The following GPR180 variants were observed in gnomAD, a reference collection of about 807,000 sequenced individuals.
GPR180 encodes integral membrane protein GPR180.
A neutral mutation model predicts 52.6 loss-of-function variants in GPR180; 53 were observed. That is an observed-to-expected ratio of 1.01 (90% CI 0.81 to 1.27). The LOEUF is 1.27. GPR180 is among the 50% of genes most tolerant of loss of function. The pLI is 0.00. For synonymous variants in GPR180, 200 were observed against 193.1 expected (o/e 1.04, Z -0.30); for missense variants, 533 against 527.0 (o/e 1.01, Z -0.11).
chr13:94,633,263 A>C lies in GPR180; in HGVS notation c.*6092A>C, dbSNP rs1890023174. On this transcript the variant is annotated 3_prime_UTR_variant, in exon 9 of 9. Coordinates refer to ENST00000376958, the MANE Select transcript of GPR180 (RefSeq NM_180989.6). ...CAGTCATATGGAGGACTGGGCCCTTAATCTGTGAAGTTTGGCTTAACTTCA... is the reference window on the plus strand; with the variant it reads ...CAGTCATATGGAGGACTGGGCCCTTCATCTGTGAAGTTTGGCTTAACTTCA... The C allele has an allele frequency of 6.6e-6, 1 of 152,134 alleles. No homozygotes were observed. The highest frequency in any genetic ancestry group is 2.1e-4 in the South Asian group (1 of 4,820). 9.4% of individuals were successfully genotyped at this position (152,134 alleles called of 1,614,324 possible). A position where few individuals can be genotyped will look rare whatever the true frequency, so the allele number is the denominator to read the frequency against.
At chr13:94,614,264 T>C (rs1322708849) in intron 3 of GPR180, among the ~76,000 whole-genome samples, 2 of 152,268 alleles carry the variant, frequency 1.3e-5, no homozygotes, top group African/African-American at 2.4e-5. Context: ...TCTGCTGCAG[T>C]TGTTGCATGT....
Position 94,612,353 on chromosome 13 carries a change from A to G in GPR180, c.468A>G (p.Glu156=). The change falls in exon 3 of 9, where the codon GAA becomes GAG. Residue 156 remains glutamate, a synonymous_variant. Coordinates refer to ENST00000376958, the MANE Select transcript of GPR180 (RefSeq NM_180989.6). ...FEMVLLNPDA[E]GNPFDHFSAG... ...TGGTGTTACTAAACCCAGATGCCGA[A>G]GGGAATCCATTTGATCATTTTAGTG... is the stretch of plus-strand genomic sequence containing the variant. 2 of 1,613,142 alleles carry G rather than the reference A, an allele frequency of 1.2e-6. No individual in the cohort carries two copies. The highest frequency in any genetic ancestry group is 1.7e-6 in the Non-Finnish European group (2 of 1,179,050).
chr13:94,621,235 G>A lies in GPR180; in HGVS notation c.894G>A (p.Gln298=). 6.3e-7 allele frequency: 1 copy of A among 1,590,002 alleles called. No homozygotes were observed. The highest frequency in any genetic ancestry group is 8.5e-7 in the Non-Finnish European group (1 of 1,172,994). The change falls in exon 6 of 9, where the codon CAG becomes CAA. Residue 298 remains glutamine (Q), a splice_region_variant and synonymous_variant. Transcript: ENST00000376958. ...TGIAVFIVMT[Q]SVLLLWEQFE... ...TTGCAGTATTCATTGTCATGACACA[G>A]GTGGGTATTGATACTCAGTGTTTCT... is the stretch of plus-strand genomic sequence containing the variant.
In GPR180 at chr13:94,623,313, A is replaced by G. The variant is rs1889877601; in HGVS notation, c.1086+13A>G. Reference sequence around the variant, plus strand: ...CACATTTGCCAAAGTATGGGTTTGGAAAGAAAATCGTTTATTCTGATTATC... The same window carrying G: ...CACATTTGCCAAAGTATGGGTTTGGGAAGAAAATCGTTTATTCTGATTATC... On this transcript the variant is annotated intron_variant, in intron 7 of 8. Transcript: ENST00000376958. 1.3e-6 allele frequency: 2 copies of G among 1,598,118 alleles called. No homozygotes were observed. The highest frequency in any genetic ancestry group is 1.7e-6 in the Non-Finnish European group (2 of 1,168,274).
chr13:94,624,174 TAG>T (rs1889892546), intron 7 of GPR180, among the ~76,000 whole-genome samples: 1 of 152,190 alleles, frequency 6.6e-6, no homozygotes, highest in Non-Finnish European at 1.5e-5. Flanking sequence ...GGAGAAGGGT[TAG>T]AGCAGTAACA....
intron 2 of GPR180, among the ~76,000 whole-genome samples, chr13:94,607,940 G>A (rs1025155466): frequency 2.0e-5 from 3 of 152,146 alleles, no homozygotes; most frequent in Non-Finnish European, 4.4e-5. Flanking sequence ...TTGGCTGGTT[G>A]TTAGCTTTTT....
rs2138567107 is a variant in GPR180, at chr13:94,621,239, G to A, written c.894+4G>A. 1 of 1,586,394 alleles carries A rather than the reference G, an allele frequency of 6.3e-7. No individual in the cohort carries two copies. The highest frequency in any genetic ancestry group is 8.5e-7 in the Non-Finnish European group (1 of 1,171,288). On this transcript the variant is annotated splice_donor_region_variant and intron_variant, in intron 6 of 8. Transcript: ENST00000376958. ...AGTATTCATTGTCATGACACAGGTGGGTATTGATACTCAGTGTTTCTGCTT... is the reference window on the plus strand; with the variant it reads ...AGTATTCATTGTCATGACACAGGTGAGTATTGATACTCAGTGTTTCTGCTT...
chr13:94,628,529 T>C lies in GPR180; in HGVS notation c.*1358T>C, dbSNP rs1889956049. On this transcript the variant is annotated 3_prime_UTR_variant, in exon 9 of 9. Coordinates refer to ENST00000376958, the MANE Select transcript of GPR180 (RefSeq NM_180989.6). ...ATAGTTAAAATAATGTAGTGCAACT[T>C]AAAAATATCTATGGCTTTGTTTTTG... is the stretch of plus-strand genomic sequence containing the variant. 1 of 152,112 alleles carries C rather than the reference T, an allele frequency of 6.6e-6. No individual in the cohort carries two copies. Among genetic ancestry groups the C allele is most frequent in the Non-Finnish European group, 1.5e-5 (1 of 67,926 alleles). 9.4% of individuals were successfully genotyped at this position (152,112 alleles called of 1,614,324 possible). A position where few individuals can be genotyped will look rare whatever the true frequency, so the allele number is the denominator to read the frequency against.
chr13:94,608,798 A>C (rs1002618931), intron 2 of GPR180, among the ~76,000 whole-genome samples: 1 of 152,190 alleles, frequency 6.6e-6, no homozygotes, highest in African/African-American at 2.4e-5. Flanking sequence ...CCCAGCTCCT[A>C]CGTAAAACCT....
intron 3 of GPR180, 94 bp from the exon 4 acceptor site, chr13:94,619,056 T>C: frequency 6.1e-6 from 6 of 990,258 alleles, no homozygotes; most frequent in Non-Finnish European, 8.9e-6. Context: ...AAAAAACAAG[T>C]TCTAGAAATA....
rs1477565130 is a variant in GPR180 at position 94,633,845 on chromosome 13, A to G, written c.*6674A>G. 1 of 151,630 alleles carries G rather than the reference A, an allele frequency of 6.6e-6. No homozygotes were observed. Among genetic ancestry groups the G allele is most frequent in the African/African-American group, 2.4e-5 (1 of 41,202 alleles). 9.4% of individuals were successfully genotyped at this position (151,630 alleles called of 1,614,324 possible). ...TGGTTTTATTTTGTATGTTTTTTTC[A>G]TCCACCTGGAATTTATTTTGCTGTT... On this transcript the variant is annotated 3_prime_UTR_variant, in exon 9 of 9. Transcript: ENST00000376958.
chr13:94,618,388 A>G (rs1337513445), intron 3 of GPR180, among the ~76,000 whole-genome samples: 2 of 144,262 alleles, frequency 1.4e-5, no homozygotes, highest in South Asian at 2.1e-4. Flanking sequence ...TTTTCAGCCA[A>G]TCCTGGCATG....
rs1889717859 is a variant in GPR180 at position 94,612,320 on chromosome 13, A to G, written c.435A>G (p.Pro145=). 3.1e-6 allele frequency: 5 copies of G among 1,613,828 alleles called. No homozygotes were observed. Among genetic ancestry groups the G allele is most frequent in the South Asian group, 2.2e-5 (2 of 91,084 alleles). ...AGAATTCTCAGGTGGAAGATATCCC[A>G]TTTGAAATGGTGTTACTAAACCCAG... ...DKENSQVEDI[P]FEMVLLNPDA... Residue 145 remains proline, a synonymous_variant, in exon 3 of 9, where the codon CCA becomes CCG. Coordinates refer to ENST00000376958, the MANE Select transcript of GPR180 (RefSeq NM_180989.6).
rs1156604834 is a variant in GPR180, at chr13:94,631,488, A to G, written c.*4317A>G. 1.3e-5 allele frequency: 2 copies of G among 151,200 alleles called. No homozygotes were observed. Among genetic ancestry groups the G allele is most frequent in the East Asian group, 1.9e-4 (1 of 5,136 alleles). 9.4% of individuals were successfully genotyped at this position (151,200 alleles called of 1,614,324 possible). A position where few individuals can be genotyped will look rare whatever the true frequency, so the allele number is the denominator to read the frequency against. On this transcript the variant is annotated 3_prime_UTR_variant, in exon 9 of 9. Transcript: ENST00000376958. Reference sequence around the variant, plus strand: ...TATTCCCCCATCCTAGTTCTATCATATTATCCCTTTTTTTGTTTGTTGTAC... The same window carrying G: ...TATTCCCCCATCCTAGTTCTATCATGTTATCCCTTTTTTTGTTTGTTGTAC...
At chr13:94,605,877 A>G (rs533717227) in intron 2 of GPR180, among the ~76,000 whole-genome samples, 1 of 152,370 alleles carries the variant, frequency 6.6e-6, no homozygotes, top group Admixed American at 6.5e-5. Flanking sequence ...AATGCTAATT[A>G]TCTGCCAGCA....
chr13:94,621,153 T>A lies in GPR180; in HGVS notation c.812T>A (p.Met271Lys), dbSNP rs1427466519. 1.9e-6 allele frequency: 3 copies of A among 1,612,754 alleles called. No individual in the cohort carries two copies. The highest frequency in any genetic ancestry group is 3.4e-5 in the Admixed American group (2 of 59,394). The change falls in exon 6 of 9, where the codon ATG becomes AAG. Residue 271 changes from methionine (M) to lysine (K), a missense_variant. By Grantham distance (95) the Met-to-Lys change is moderately conservative. Coordinates refer to ENST00000376958, the MANE Select transcript of GPR180 (RefSeq NM_180989.6). ...TGCATGGGTTGGACAATAGTCAGAATGAAGAAGTCTCAAAGCAGACCTCTC... is the reference window on the plus strand; with the variant it reads ...TGCATGGGTTGGACAATAGTCAGAAAGAAGAAGTCTCAAAGCAGACCTCTC... ...SLCMGWTIVR[M>K]KKSQSRPLQW...
Position 94,619,247 on chromosome 13 carries a change from C to T in GPR180, c.603C>T (p.Pro201=), listed in dbSNP as rs1889820815. ...SLWQAIKKGG[P]MHMILKVLTT... ...GGCAGGCTATTAAGAAAGGCGGACC[C>T]ATGCACATGATTTTAAAGGTTCTGA... The change falls in exon 4 of 9, where the codon CCC becomes CCT. Residue 201 remains proline, a synonymous_variant. Transcript: ENST00000376958. 1 of 1,613,970 alleles carries T rather than the reference C, an allele frequency of 6.2e-7. No individual in the cohort carries two copies. Among genetic ancestry groups the T allele is most frequent in the African/African-American group, 1.3e-5 (1 of 74,916 alleles).
chr13:94,606,861 T>G (rs1889639912), intron 2 of GPR180, among the ~76,000 whole-genome samples: 1 of 152,226 alleles, frequency 6.6e-6, no homozygotes, highest in African/African-American at 2.4e-5. Flanking sequence ...TTACATACAA[T>G]TATTTACTTT....
intron 2 of GPR180, among the ~76,000 whole-genome samples, chr13:94,611,206 TATA>T (rs1403207788): frequency 2.6e-5 from 4 of 152,276 alleles, no homozygotes; most frequent in African/African-American, 9.6e-5. Context: ...CCTGATCCAG[TATA>T]ATAACTTCTG....
Sources: allele counts gnomAD v4.1 joint callset (sites outside exome capture counted in the v4.1 genomes callset), GRCh38; gene constraint gnomAD v4.1.1; transcripts MANE v1.5; gene names NCBI Gene and HGNC (gene_info 2026-07-23, HGNC 2026-07-21).